MAP3K5: variants seen among roughly 807,000 people sequenced by gnomAD.
MAP3K5 encodes mitogen-activated protein kinase kinase kinase 5.
A neutral mutation model predicts 158.7 loss-of-function variants in MAP3K5; 56 were observed. The ratio of observed to expected loss-of-function variants is 0.35; its 90% CI spans 0.28 to 0.44. The LOEUF is 0.44. MAP3K5 is among the 20% of genes least tolerant of loss of function. The probability of loss-of-function intolerance (pLI) is 1.00; values close to 1 mark genes in which losing one functional copy is unlikely to be tolerated. For missense variants in MAP3K5, 1,294 were observed against 1,674.8 expected (o/e 0.77, Z 3.97); for synonymous variants, 579 against 601.7 (o/e 0.96, Z 0.55).
Position 136,722,812 on chromosome 6 carries a change from G to C in MAP3K5, c.449-2223C>G, listed in dbSNP as rs564143359. Among the ~76,000 whole-genome samples the C allele has an allele frequency of 7.3e-5, 11 of 151,614 alleles. 1 individual carries two copies. In the South Asian group the frequency reaches 2.3e-3, roughly 32 times the overall value. On this transcript the variant is annotated intron_variant, in intron 1 of 29. Coordinates refer to ENST00000359015, the MANE Select transcript of MAP3K5 (RefSeq NM_005923.4). ...AGCGATCCTTCAGCCTCAGCCTCCTGAGTAGCTGGGACTACAGGCATGTGT... is the reference window on the plus strand; with the variant it reads ...AGCGATCCTTCAGCCTCAGCCTCCTCAGTAGCTGGGACTACAGGCATGTGT...
chr6:136,786,377 C>T (rs1784843528), intron 1 of MAP3K5, among the ~76,000 whole-genome samples: 1 of 118,586 alleles, frequency 8.4e-6, no homozygotes, highest in Non-Finnish European at 1.7e-5. Flanking sequence ...AAAACTCCAT[C>T]TCAAAAAAAA....
intron 18 of MAP3K5, among the ~76,000 whole-genome samples, chr6:136,610,296 C>T: frequency 6.6e-6 from 1 of 152,062 alleles, no homozygotes; most frequent in South Asian, 2.1e-4. Context: ...TGAGTCTGAG[C>T]TTCCTCTTGG....
intron 2 of MAP3K5, among the ~76,000 whole-genome samples, chr6:136,711,693 A>G (rs1328978519): frequency 6.6e-6 from 1 of 151,826 alleles, no homozygotes; most frequent in Admixed American, 6.6e-5. Flanking sequence ...GAAAGAAAGA[A>G]AAAAGAAAAA....
chr6:136,587,051 T>G (rs975525120), intron 23 of MAP3K5, among the ~76,000 whole-genome samples: 4 of 152,180 alleles, frequency 2.6e-5, no homozygotes, highest in African/African-American at 9.7e-5. Flanking sequence ...GTTCTGTCCC[T>G]CTAGAGAACC....
chr6:136,638,607 AGT>A (rs1054247681), intron 13 of MAP3K5, among the ~76,000 whole-genome samples: 3 of 152,230 alleles, frequency 2.0e-5, no homozygotes, highest in African/African-American at 7.2e-5. Flanking sequence ...TGAGAATTTA[AGT>A]GTAAGTAGAG....
chr6:136,595,739 G>A (rs2129082960), intron 21 of MAP3K5, among the ~76,000 whole-genome samples: 1 of 152,298 alleles, frequency 6.6e-6, no homozygotes, highest in South Asian at 2.1e-4. Context: ...TTGGGCGGCT[G>A]GGCGCGGTGG....
At chr6:136,579,211 TCATCCATG>T (rs1008852832) in intron 25 of MAP3K5, among the ~76,000 whole-genome samples, 1 of 152,072 alleles carries the variant, frequency 6.6e-6, no homozygotes, top group African/African-American at 2.4e-5. Context: ...ACCTACATAC[TCATCCATG>T]CATCCATGCA....
chr6:136,709,972 T>C (rs376351165), intron 2 of MAP3K5, among the ~76,000 whole-genome samples: 1 of 152,356 alleles, frequency 6.6e-6, no homozygotes, highest in Middle Eastern at 3.4e-3. Flanking sequence ...ATCTGAATTC[T>C]TGTTAGCTAT....
chr6:136,714,297 A>C (rs1781432120), intron 2 of MAP3K5, among the ~76,000 whole-genome samples: 2 of 152,204 alleles, frequency 1.3e-5, no homozygotes, highest in South Asian at 4.1e-4. Context: ...CCAATTTACA[A>C]ACTGGTATAA....
chr6:136,627,532 T>G (rs1302387067), intron 14 of MAP3K5, among the ~76,000 whole-genome samples: 1 of 152,178 alleles, frequency 6.6e-6, no homozygotes, highest in African/African-American at 2.4e-5. Flanking sequence ...AATCTGTATG[T>G]TGAAACCGAA....
chr6:136,625,364 G>C (rs1253798552), intron 14 of MAP3K5, among the ~76,000 whole-genome samples: 4 of 152,308 alleles, frequency 2.6e-5, no homozygotes, highest in African/African-American at 7.2e-5. Context: ...TGTGGGGCTT[G>C]GGTCTTAATG....
chr6:136,707,864 C>T (rs902230328), intron 2 of MAP3K5, among the ~76,000 whole-genome samples: 3 of 152,208 alleles, frequency 2.0e-5, no homozygotes, highest in African/African-American at 7.2e-5. Flanking sequence ...CACTGGAATA[C>T]ATTACACCCA....
intron 6 of MAP3K5, among the ~76,000 whole-genome samples, chr6:136,694,868 C>G (rs1780534909): frequency 6.6e-6 from 1 of 152,088 alleles, no homozygotes; most frequent in South Asian, 2.1e-4. Flanking sequence ...GTTCACAAAA[C>G]CAGATAAAAA....
chr6:136,720,342 A>G (rs1166831294), intron 2 of MAP3K5, 108 bp downstream of exon 2: 1 of 1,078,422 alleles, frequency 9.3e-7, no homozygotes. Flanking sequence ...CTAACCAAAC[A>G]TATAAAAGTC....
At chr6:136,689,734 A>G (rs932846682) in intron 7 of MAP3K5, among the ~76,000 whole-genome samples, 4 of 152,156 alleles carry the variant, frequency 2.6e-5, no homozygotes, top group Admixed American at 2.0e-4. Context: ...GGCCCTTGAC[A>G]GATGCTAGCC....
intron 7 of MAP3K5, among the ~76,000 whole-genome samples, chr6:136,671,868 C>T (rs1229143908): frequency 1.1e-4 from 17 of 151,824 alleles, no homozygotes; most frequent in Admixed American, 7.2e-4. Flanking sequence ...TCAGGTGATC[C>T]GCCCACCTCG....
intron 8 of MAP3K5, among the ~76,000 whole-genome samples, chr6:136,660,369 T>C (rs1189676524): frequency 1.3e-5 from 2 of 150,736 alleles, no homozygotes; most frequent in African/African-American, 2.4e-5. Flanking sequence ...CTGGGCAACA[T>C]AGCAAGATTC....
intron 21 of MAP3K5, among the ~76,000 whole-genome samples, chr6:136,595,637 A>G (rs1248074339): frequency 6.6e-6 from 1 of 152,236 alleles, no homozygotes; most frequent in East Asian, 1.9e-4. Flanking sequence ...TTATATTCTA[A>G]GATGAGAAAT....
intron 28 of MAP3K5, among the ~76,000 whole-genome samples, chr6:136,559,301 G>C (rs1830397789): frequency 6.6e-6 from 1 of 152,222 alleles, no homozygotes; most frequent in South Asian, 2.1e-4. Context: ...GCAGTGAGCT[G>C]AGATTGACCC....
Sources: gnomAD v4.1 joint callset for allele counts (sites outside exome capture counted in the v4.1 genomes callset) on GRCh38, gnomAD v4.1.1 for gene constraint, MANE v1.5 for transcripts, NCBI Gene and HGNC (gene_info 2026-07-23, HGNC 2026-07-21) for gene names.